PCSK5: variants seen among roughly 807,000 people sequenced by gnomAD.
PCSK5 encodes the protein proprotein convertase subtilisin/kexin type 5.
PCSK5 carries 129 observed loss-of-function variants against 233.2 expected under a neutral mutation model. The ratio of observed to expected loss-of-function variants is 0.55; its 90% CI spans 0.48 to 0.64. The LOEUF (loss-of-function observed/expected upper bound fraction) is 0.64, where lower values mean the gene tolerates loss of function less well. Among genes scored for constraint, PCSK5 ranks in the 30% least tolerant of loss-of-function variants. The pLI is 0.00. For missense variants in PCSK5, 2,076 were observed against 2,430.1 expected, an observed-to-expected ratio of 0.85 and a Z score of 3.06; for synonymous variants, 825 against 879.2, an observed-to-expected ratio of 0.94 and a Z score of 1.09.
In PCSK5 at chr9:76,338,317, G is replaced by T; in HGVS notation, c.4836G>T (p.Leu1612=). ...GCQGPRPTDC[L]SCDRFFFLLR... Reference sequence around the variant, plus strand: ...AGGGCCCACGGCCCACAGACTGCCTGTCTTGCGATAGATTTTTCTTTCTGC... The same window carrying T: ...AGGGCCCACGGCCCACAGACTGCCTTTCTTGCGATAGATTTTTCTTTCTGC... The change falls in exon 35 of 38, where the codon CTG becomes CTT. Residue 1612 remains leucine (L), a synonymous_variant. Transcript: ENST00000674117. 1 of 1,612,596 alleles carries T rather than the reference G, an allele frequency of 6.2e-7. No homozygotes were observed. The highest frequency in any genetic ancestry group is 8.5e-7 in the Non-Finnish European group (1 of 1,179,712).
chr9:75,962,412 A>G (rs995952335), intron 2 of PCSK5, among the ~76,000 whole-genome samples: 1 of 152,224 alleles, frequency 6.6e-6, no homozygotes, highest in Non-Finnish European at 1.5e-5. Context: ...ATCAGCGAGC[A>G]CATGGGGTGA....
intron 24 of PCSK5, chr9:76,286,853 A>G: frequency 5.3e-6 from 1 of 188,602 alleles, no homozygotes; most frequent in Non-Finnish European, 1.1e-5. Flanking sequence ...GCTGCCTGGG[A>G]TCTTCCCCAT....
intron 10 of PCSK5, among the ~76,000 whole-genome samples, chr9:76,145,378 G>A (rs1285094952): frequency 1.3e-5 from 2 of 152,010 alleles, no homozygotes; most frequent in East Asian, 1.9e-4. Context: ...GTAAACATTG[G>A]CATATGTTGG....
intron 9 of PCSK5, among the ~76,000 whole-genome samples, chr9:76,126,775 A>G (rs1832870156): frequency 6.6e-6 from 1 of 152,124 alleles, no homozygotes; most frequent in African/African-American, 2.4e-5. Flanking sequence ...TGGACAATGG[A>G]GGATGAGAAG....
In PCSK5 at chr9:76,362,218, A is replaced by G. The variant is rs899079428; in HGVS notation, c.*3296A>G. 2.0e-5 allele frequency: 3 copies of G among 152,224 alleles called. No homozygotes were observed. The highest frequency in any genetic ancestry group is 4.4e-5 in the Non-Finnish European group (3 of 68,040). 9.4% of individuals were successfully genotyped at this position (152,224 alleles called of 1,614,324 possible). ...AAACAAAGTCACCTTTTAGTTTTCTACTTGGAAATATTAAGAGAATCCTTG... is the reference window on the plus strand; with the variant it reads ...AAACAAAGTCACCTTTTAGTTTTCTGCTTGGAAATATTAAGAGAATCCTTG... On this transcript the variant is annotated 3_prime_UTR_variant, in exon 38 of 38. Transcript: ENST00000674117.
At chr9:75,904,122 C>T (rs774277874) in intron 1 of PCSK5, among the ~76,000 whole-genome samples, 2 of 152,030 alleles carry the variant, frequency 1.3e-5, no homozygotes, top group Admixed American at 6.6e-5. Flanking sequence ...TGACTCATCA[C>T]GGGATGATGT....
At chr9:76,281,179 C>CAACA (rs1483877973) in intron 24 of PCSK5, among the ~76,000 whole-genome samples, 2 of 152,226 alleles carry the variant, frequency 1.3e-5, no homozygotes, top group Non-Finnish European at 2.9e-5. Context: ...ATATAGCAAA[C>CAACA]AACAGATTTC....
chr9:75,926,733 A>G (rs1823508486), intron 1 of PCSK5, among the ~76,000 whole-genome samples: 2 of 152,180 alleles, frequency 1.3e-5, no homozygotes, highest in Non-Finnish European at 1.5e-5. Flanking sequence ...AAATGTATTC[A>G]TGATTGATTG....
At chr9:76,056,045 A>G (rs1829808840) in intron 5 of PCSK5, among the ~76,000 whole-genome samples, 1 of 152,184 alleles carries the variant, frequency 6.6e-6, no homozygotes, top group South Asian at 2.1e-4. Flanking sequence ...TTAGATTCAT[A>G]CAAAATTTAA....
chr9:76,100,536 G>T (rs1831712213), intron 8 of PCSK5, among the ~76,000 whole-genome samples: 1 of 152,196 alleles, frequency 6.6e-6, no homozygotes, highest in Non-Finnish European at 1.5e-5. Context: ...GCTAGTAAAT[G>T]GTAGAGCTTG....
intron 35 of PCSK5, 110 bp from the exon 36 acceptor site, chr9:76,350,718 C>T: frequency 1.4e-6 from 1 of 713,366 alleles, no homozygotes; most frequent in Non-Finnish European, 2.5e-6. Context: ...ATCAATTCAC[C>T]CTTCTGCTTC....
At chr9:76,079,199 G>A (rs1412745687) in intron 7 of PCSK5, among the ~76,000 whole-genome samples, 1 of 151,744 alleles carries the variant, frequency 6.6e-6, no homozygotes, top group East Asian at 2.0e-4. Flanking sequence ...CGCCTCTGGG[G>A]TTCAAATGAT....
chr9:75,963,465 T>C (rs1468333825), intron 2 of PCSK5, among the ~76,000 whole-genome samples: 1 of 152,238 alleles, frequency 6.6e-6, no homozygotes, highest in Non-Finnish European at 1.5e-5. Flanking sequence ...ACATACAGCC[T>C]CTTGACATTT....
intron 2 of PCSK5, among the ~76,000 whole-genome samples, chr9:75,966,347 T>C (rs1825586317): frequency 6.6e-6 from 1 of 152,204 alleles, no homozygotes; most frequent in Non-Finnish European, 1.5e-5. Context: ...CTCTACTGTA[T>C]TTTGAACAGT....
chr9:75,936,450 C>G (rs1824060699), intron 2 of PCSK5, among the ~76,000 whole-genome samples: 1 of 152,216 alleles, frequency 6.6e-6, no homozygotes, highest in Non-Finnish European at 1.5e-5. Context: ...GCTTTATTAA[C>G]TAAGTTTATG....
At chr9:76,018,611 A>C (rs886094666) in intron 3 of PCSK5, among the ~76,000 whole-genome samples, 7 of 152,182 alleles carry the variant, frequency 4.6e-5, no homozygotes, top group African/African-American at 1.2e-4. Context: ...GTCTTCCACA[A>C]AACCAGATCC....
intron 14 of PCSK5, among the ~76,000 whole-genome samples, chr9:76,178,078 T>C (rs1322897143): frequency 3.3e-5 from 5 of 152,240 alleles, no homozygotes; most frequent in Non-Finnish European, 2.9e-5. Context: ...GATGGCGTTA[T>C]CATAACCAGA....
At chr9:75,933,542 A>G (rs1327520125) in intron 2 of PCSK5, among the ~76,000 whole-genome samples, 2 of 152,238 alleles carry the variant, frequency 1.3e-5, no homozygotes, top group African/African-American at 2.4e-5. Context: ...GTTTGAATTA[A>G]TATGCAAATG....
Position 76,361,207 on chromosome 9 carries a change from T to A in PCSK5, c.*2285T>A, listed in dbSNP as rs1394976113. On this transcript the variant is annotated 3_prime_UTR_variant, in exon 38 of 38. Transcript: ENST00000674117. ...TAAAAATACAATAAAAATCTGGGCA[T>A]GTTGGTGCACACCTGTAATCCCAGC... 6.6e-6 allele frequency: 1 copy of A among 152,118 alleles called. No individual in the cohort carries two copies. The highest frequency in any genetic ancestry group is 1.5e-5 in the Non-Finnish European group (1 of 68,040). The allele number at this position is 152,118 out of a possible 1,614,324, so 9.4% of individuals were successfully genotyped here.
Sources: allele counts gnomAD v4.1 joint callset (sites outside exome capture counted in the v4.1 genomes callset), GRCh38; gene constraint gnomAD v4.1.1; transcripts MANE v1.5; gene names NCBI Gene and HGNC (gene_info 2026-07-23, HGNC 2026-07-21).